LRRIQ1: variants seen among roughly 807,000 people sequenced by gnomAD.
LRRIQ1 encodes leucine rich repeats and IQ motif containing 1.
Under a neutral mutation model 211.9 loss-of-function variants are expected in LRRIQ1, and 210 were observed. The observed-to-expected ratio is 0.99, with a 90% CI of 0.89 to 1.11. The LOEUF is 1.11. Among genes scored for constraint, LRRIQ1 ranks in the 50% most tolerant of loss-of-function variants. LRRIQ1 has a pLI of 0.00. For missense variants in LRRIQ1, 2,136 were observed against 1,939.5 expected, an observed-to-expected ratio of 1.10 and a Z score of -1.90; for synonymous variants, 699 against 650.1, an observed-to-expected ratio of 1.08 and a Z score of -1.14.
chr12:85,047,068 G>A (rs1879682651), intron 5 of LRRIQ1, among the ~76,000 whole-genome samples, 179 bp from the exon 6 acceptor site: 1 of 151,598 alleles, frequency 6.6e-6, no homozygotes, highest in Non-Finnish European at 1.5e-5. Context: ...GAGTTAATGG[G>A]TGCAGCACAC....
downstream of LRRIQ1, among the ~76,000 whole-genome samples, chr12:85,264,656 C>A (rs1183808673): frequency 6.6e-6 from 1 of 152,012 alleles, no homozygotes; most frequent in African/African-American, 2.4e-5. Flanking sequence ...AAGAAATAGT[C>A]TTTCTCCTGT....
chr12:85,250,953 T>TATTATATATTATATAATATATTTTATAG (rs1565929012), intron 1 of LRRIQ1, among the ~76,000 whole-genome samples: 1 of 92,256 alleles, frequency 1.1e-5, no homozygotes, highest in Non-Finnish European at 2.0e-5. Flanking sequence ...ATATTTTATA[T>TATTATATATTATATAATATATTTTATAG]ATTATATATT....
At chr12:85,137,101 C>T (rs1365823417) in intron 18 of LRRIQ1, among the ~76,000 whole-genome samples, 1 of 151,064 alleles carries the variant, frequency 6.6e-6, no homozygotes, top group East Asian at 1.9e-4. Context: ...TATATATATA[C>T]ATATATACTT....
At chr12:85,171,427 T>C (rs935308137) in intron 24 of LRRIQ1, among the ~76,000 whole-genome samples, 1 of 152,020 alleles carries the variant, frequency 6.6e-6, no homozygotes, top group Non-Finnish European at 1.5e-5. Context: ...ATAAAGAAAA[T>C]ATATACAATA....
chr12:85,100,920 T>A (rs1886301989), intron 13 of LRRIQ1, among the ~76,000 whole-genome samples: 1 of 151,938 alleles, frequency 6.6e-6, no homozygotes, highest in African/African-American at 2.4e-5. Flanking sequence ...ACATGTGAAA[T>A]GACTTTTTAA....
rs754321000 is a variant in LRRIQ1 at position 85,137,901 on chromosome 12, G to C, written c.4261G>C (p.Ala1421Pro). Residue 1421 changes from alanine (A) to proline (P), a missense_variant, in exon 19 of 27, where the codon GCT becomes CCT. Physicochemically the swap from Ala to Pro is conservative, Grantham distance 27. Transcript: ENST00000393217. ...AAAGAAACTGACAACAGCTCTAGAG[G>C]CTATTAAGAATGAAGAATCCGATGA... is the stretch of plus-strand genomic sequence containing the variant. ...LRKKLTTALE[A>P]IKNEESDEEY... 1 of 1,586,866 alleles carries C rather than the reference G, an allele frequency of 6.3e-7. No individual in the cohort carries two copies. The highest frequency in any genetic ancestry group is 8.6e-7 in the Non-Finnish European group (1 of 1,161,804).
At chr12:85,102,975 T>C (rs1455740132) in intron 13 of LRRIQ1, among the ~76,000 whole-genome samples, 1 of 141,676 alleles carries the variant, frequency 7.1e-6, no homozygotes, top group Non-Finnish European at 1.5e-5. Flanking sequence ...TATATATATA[T>C]ATATATATAT....
intron 23 of LRRIQ1, among the ~76,000 whole-genome samples, chr12:85,155,875 T>C (rs1208776860): frequency 6.6e-6 from 1 of 151,638 alleles, no homozygotes; most frequent in Non-Finnish European, 1.5e-5. Flanking sequence ...GCAAGTGTTT[T>C]AGCAGAGGAT....
intron 24 of LRRIQ1, among the ~76,000 whole-genome samples, chr12:85,194,592 G>A (rs1293518143): frequency 1.3e-5 from 2 of 151,450 alleles, no homozygotes; most frequent in Admixed American, 6.6e-5. Context: ...ATAACAAAAT[G>A]AAGGCAGAAA....
At chr12:85,229,437 A>T (rs1188814977) in intron 24 of LRRIQ1, 80 bp from the exon 25 acceptor site, 1 of 1,125,720 alleles carries the variant, frequency 8.9e-7, no homozygotes, top group East Asian at 2.7e-5. Flanking sequence ...TTGTGATAAA[A>T]TGTTTAGCAC....
At chr12:85,231,369 T>G (rs974367866) in intron 25 of LRRIQ1, among the ~76,000 whole-genome samples, 2 of 152,188 alleles carry the variant, frequency 1.3e-5, no homozygotes. Context: ...AAAGTAGGAA[T>G]AAAGGCATCA....
chr12:85,120,332 T>C (rs1385646116), intron 15 of LRRIQ1, among the ~76,000 whole-genome samples: 1 of 152,196 alleles, frequency 6.6e-6, no homozygotes, highest in Admixed American at 6.5e-5. Context: ...TTGCCAAAGA[T>C]CAGTTCGCTA....
chr12:85,237,522 C>G (rs1895246494), intron 26 of LRRIQ1, among the ~76,000 whole-genome samples: 1 of 152,034 alleles, frequency 6.6e-6, no homozygotes, highest in Non-Finnish European at 1.5e-5. Flanking sequence ...CTATGTGACT[C>G]ATTGAGGTCC....
chr12:85,093,671 C>T (rs990755332), intron 11 of LRRIQ1, among the ~76,000 whole-genome samples: 12 of 152,178 alleles, frequency 7.9e-5, no homozygotes, highest in African/African-American at 2.9e-4. Context: ...CCTCAACAAA[C>T]TCAACCTGTC....
chr12:85,189,208 G>C (rs955632733), intron 24 of LRRIQ1, among the ~76,000 whole-genome samples: 4 of 152,176 alleles, frequency 2.6e-5, no homozygotes, highest in East Asian at 3.9e-4. Flanking sequence ...TTAGCTCTTG[G>C]GGCCTCCAGA....
rs542231594 is a variant in LRRIQ1, at chr12:85,237,257, A to T, written c.5016+4501A>T. On this transcript the variant is annotated intron_variant, in intron 26 of 26. Coordinates refer to ENST00000393217, the MANE Select transcript of LRRIQ1 (RefSeq NM_001079910.2). ...GCAGCACAGGACTATGATCCCTGAG[A>T]TAAAAGAAACACATGAGTTCCACAG... 4.6e-5 allele frequency among the ~76,000 whole-genome samples: 7 copies of T among 152,236 alleles called. No individual in the cohort carries two copies. In the East Asian group the frequency reaches 1.4e-3, roughly 29 times the overall value.
chr12:85,264,278 A>T (rs529589808), exon 2 of LRRIQ1: 22 of 152,148 alleles, frequency 1.4e-4, no homozygotes, highest in African/African-American at 5.3e-4. Flanking sequence ...GTGGTGTCCT[A>T]GAATTTCCAC....
chr12:85,257,073 AAT>A (rs1167550949), intron 1 of LRRIQ1, among the ~76,000 whole-genome samples: 2 of 106,822 alleles, frequency 1.9e-5, no homozygotes, highest in African/African-American at 3.8e-5. Flanking sequence ...TAATTATATA[AAT>A]ATATATAATT....
intron 1 of LRRIQ1, among the ~76,000 whole-genome samples, chr12:85,253,059 T>A (rs1895993999): frequency 1.3e-5 from 2 of 152,006 alleles, no homozygotes; most frequent in Non-Finnish European, 1.5e-5. Context: ...AAGAAAACAA[T>A]GTCTTACGTG....
Sources: allele counts gnomAD v4.1 joint callset (sites outside exome capture counted in the v4.1 genomes callset), GRCh38; gene constraint gnomAD v4.1.1; transcripts MANE v1.5; gene names NCBI Gene and HGNC (gene_info 2026-07-23, HGNC 2026-07-21).